DRD3: variants seen among roughly 807,000 people sequenced by gnomAD.
DRD3 encodes dopamine receptor D3, also known as D(3) dopamine receptor.
DRD3 carries 19 observed loss-of-function variants against 36.3 expected under a neutral mutation model. The observed-to-expected ratio is 0.52, with a 90% CI of 0.36 to 0.77. The LOEUF (loss-of-function observed/expected upper bound fraction) is 0.77, where lower values mean the gene tolerates loss of function less well. DRD3 is among the 30% of genes least tolerant of loss of function. The pLI is 0.00. For missense variants in DRD3, 465 were observed against 505.3 expected (o/e 0.92, Z 0.77); for synonymous variants, 195 against 203.7 (o/e 0.96, Z 0.36).
At chr3:114,161,132 C>G (rs1255802702) in intron 2 of DRD3, among the ~76,000 whole-genome samples, 1 of 152,078 alleles carries the variant, frequency 6.6e-6, no homozygotes, top group African/African-American at 2.4e-5. Flanking sequence ...GGCTGTCATT[C>G]TTGGGGACCC....
rs998409653 is a variant in DRD3 at position 114,156,761 on chromosome 3, T to G, written c.383+2994A>C. ...TCTTTCTTTTTCTTTCTTTCTTTCT[T>G]TCTTTCTTTCTTTCTTTCTTTCTTT... On this transcript the variant is annotated intron_variant, in intron 3 of 6. Coordinates refer to ENST00000383673, the MANE Select transcript of DRD3 (RefSeq NM_000796.6). Among the ~76,000 whole-genome samples, 797 of 104,842 alleles carry G rather than the reference T, an allele frequency of 7.6e-3. 9 individuals are homozygous for G. Among genetic ancestry groups the G allele is most frequent in the African/African-American group, 0.026 (760 of 28,960 alleles). 68.8% of individuals were successfully genotyped at this position (104,842 alleles called of 152,430 possible).
In DRD3 at chr3:114,139,667, G is replaced by A; in HGVS notation, c.556C>T (p.Pro186Ser). The A allele has an allele frequency of 6.2e-7, 1 of 1,614,110 alleles. No homozygotes were observed. Among genetic ancestry groups the A allele is most frequent in the Non-Finnish European group, 8.5e-7 (1 of 1,180,004 alleles). Residue 186 changes from proline to serine, a missense_variant, in exon 5 of 7, where the codon CCT becomes TCT. Coordinates refer to ENST00000383673, the MANE Select transcript of DRD3 (RefSeq NM_000796.6). ...GDPTVCSISNPDFVIYSSVVS... is the reference protein window; with the variant it reads ...GDPTVCSISNSDFVIYSSVVS... ...ACTGAAGAGTAGATGACAAAATCAG[G>A]GTTGGAGATGGAGCAGACAGTGGGG...
upstream of DRD3, among the ~76,000 whole-genome samples, chr3:114,180,057 G>C (rs1231288437): frequency 1.3e-5 from 2 of 152,148 alleles, no homozygotes; most frequent in African/African-American, 4.8e-5. Flanking sequence ...GCTGACCCAA[G>C]ATTTGGATCT....
At position 114,139,546 on chromosome 3, in the gene DRD3, C is replaced by G; in HGVS notation, c.677G>C (p.Arg226Pro). The change falls in exon 5 of 7, where the codon CGA (arginine) becomes CCA (proline). Residue 226 changes from arginine (R) to proline (P), a missense_variant. Transcript: ENST00000383673. Reference sequence around the variant, plus strand: ...GACACTGTTGCACTGACTGTTCTGTCGAGTGAGGATCCTTTTCCGTCTCCT... The same window carrying G: ...GACACTGTTGCACTGACTGTTCTGTGGAGTGAGGATCCTTTTCCGTCTCCT... The part of the protein sequence containing the change: ...KQRRRKRILT[R>P]QNSQCNSVRP... 6.2e-7 allele frequency: 1 copy of G among 1,614,054 alleles called. No individual in the cohort carries two copies. Among genetic ancestry groups the G allele is most frequent in the South Asian group, 1.1e-5 (1 of 91,060 alleles).
intron 1 of DRD3, among the ~76,000 whole-genome samples, chr3:114,190,319 G>A (rs563269381): frequency 6.7e-6 from 1 of 148,872 alleles, no homozygotes; most frequent in East Asian, 2.0e-4. Flanking sequence ...TGCCCACTGG[G>A]CCTATAAGCA....
At chr3:114,169,790 A>T (rs934029355) in intron 2 of DRD3, among the ~76,000 whole-genome samples, 4 of 152,174 alleles carry the variant, frequency 2.6e-5, no homozygotes, top group East Asian at 3.9e-4. Flanking sequence ...TAGTGTGGAA[A>T]AGTCACAATG....
Position 114,139,664 on chromosome 3 carries a change from C to T in DRD3, c.559G>A (p.Asp187Asn). 6.2e-7 allele frequency: 1 copy of T among 1,614,058 alleles called. No homozygotes were observed. Among genetic ancestry groups the T allele is most frequent in the South Asian group, 1.1e-5 (1 of 91,062 alleles). Residue 187 changes from aspartate to asparagine, a missense_variant, in exon 5 of 7, where the codon GAT (aspartate) becomes AAT (asparagine). By Grantham distance (23) the Asp-to-Asn change is conservative (BLOSUM62 1). Transcript: ENST00000383673. ...DPTVCSISNPDFVIYSSVVSF... is the reference protein window; with the variant it reads ...DPTVCSISNPNFVIYSSVVSF... The stretch of plus-strand genomic sequence containing the variant: ...ACCACTGAAGAGTAGATGACAAAAT[C>T]AGGGTTGGAGATGGAGCAGACAGTG...
intron 1 of DRD3, among the ~76,000 whole-genome samples, chr3:114,193,767 A>C (rs1560007320): frequency 6.6e-6 from 1 of 152,276 alleles, no homozygotes; most frequent in Non-Finnish European, 1.5e-5. Context: ...GGAATGGAAT[A>C]TCAAATTCCA....
chr3:114,145,651 T>A (rs1161280413), intron 4 of DRD3, among the ~76,000 whole-genome samples: 2 of 152,242 alleles, frequency 1.3e-5, no homozygotes, highest in Non-Finnish European at 2.9e-5. Flanking sequence ...TGGAGTTATA[T>A]GTAGTCTTAG....
chr3:114,164,091 G>A (rs946211161), intron 2 of DRD3, among the ~76,000 whole-genome samples: 10 of 150,630 alleles, frequency 6.6e-5, no homozygotes, highest in African/African-American at 2.4e-4. Context: ...TGTGGTGGTG[G>A]GCGCCTGTTA....
chr3:114,149,843 G>A (rs2077108515), intron 3 of DRD3, among the ~76,000 whole-genome samples: 1 of 152,190 alleles, frequency 6.6e-6, no homozygotes, highest in Non-Finnish European at 1.5e-5. Context: ...CAACTGCAAG[G>A]AACTGAATAC....
In DRD3 at chr3:114,139,630, T is replaced by C. The variant is rs778977708; in HGVS notation, c.593A>G (p.Tyr198Cys). ...FVIYSSVVSF[Y>C]LPFGVTVLVY... ...AAGGACAGTCACTCCAAAGGGCAGG[T>C]AGAAGGACACCACTGAAGAGTAGAT... The change falls in exon 5 of 7, where the codon TAC (tyrosine) becomes TGC (cysteine). Residue 198 changes from tyrosine to cysteine, a missense_variant. Tyr to Cys is a radical substitution (Grantham distance 194, BLOSUM62 -2). Transcript: ENST00000383673. 6.2e-7 allele frequency: 1 copy of C among 1,614,066 alleles called. No homozygotes were observed. Among genetic ancestry groups the C allele is most frequent in the East Asian group, 2.2e-5 (1 of 44,884 alleles).
Position 114,171,775 on chromosome 3 carries a change from A to G in DRD3, c.218T>C (p.Val73Ala). The G allele has an allele frequency of 6.2e-7, 1 of 1,613,300 alleles. No individual in the cohort carries two copies. Among genetic ancestry groups the G allele is most frequent in the Admixed American group, 1.7e-5 (1 of 59,930 alleles). ...CAAGGTGGCCACCAGCAAGTCTGCC[A>G]CAGCCAGGCTCACTACTAAGTAGTT... The part of the protein sequence containing the change: ...TTNYLVVSLA[V>A]ADLLVATLVM... Residue 73 changes from valine to alanine, a missense_variant, in exon 2 of 7, where the codon GTG becomes GCG. Val to Ala is a moderately conservative substitution (Grantham distance 64). Coordinates refer to ENST00000383673, the MANE Select transcript of DRD3 (RefSeq NM_000796.6).
upstream of DRD3, among the ~76,000 whole-genome samples, chr3:114,179,672 TTCTC>T (rs1031985713): frequency 2.0e-4 from 31 of 152,190 alleles, no homozygotes; most frequent in Middle Eastern, 3.4e-3. Context: ...CCATTTCCTG[TTCTC>T]TCTCTCTTTT....
chr3:114,160,217 G>A (rs770433162), intron 2 of DRD3, among the ~76,000 whole-genome samples: 2 of 152,036 alleles, frequency 1.3e-5, no homozygotes, highest in Non-Finnish European at 2.9e-5. Context: ...TGGCTCTTTG[G>A]TCTGTAAATC....
chr3:114,155,702 C>G (rs993948685), intron 3 of DRD3, among the ~76,000 whole-genome samples: 2 of 152,150 alleles, frequency 1.3e-5, no homozygotes, highest in Non-Finnish European at 2.9e-5. Flanking sequence ...CAACCTCACC[C>G]ACAGCCCTAA....
chr3:114,187,299 A>G (rs1378818487), intron 1 of DRD3, among the ~76,000 whole-genome samples: 1 of 152,160 alleles, frequency 6.6e-6, no homozygotes, highest in East Asian at 1.9e-4. Flanking sequence ...GTGCCTTTAT[A>G]ATGGTTTGAT....
intron 5 of DRD3, among the ~76,000 whole-genome samples, chr3:114,137,334 A>C (rs1277551091): frequency 6.6e-6 from 1 of 152,248 alleles, no homozygotes; most frequent in East Asian, 1.9e-4. Flanking sequence ...GGGGGTGTAG[A>C]AGAAGGAACA....
At chr3:114,154,688 CG>C (rs1342039673) in intron 3 of DRD3, among the ~76,000 whole-genome samples, 1 of 152,198 alleles carries the variant, frequency 6.6e-6, no homozygotes, top group Non-Finnish European at 1.5e-5. Context: ...TGCAAAGACG[CG>C]GAGGCTTGCC....
Sources: gnomAD v4.1 joint callset for allele counts (sites outside exome capture counted in the v4.1 genomes callset) on GRCh38, gnomAD v4.1.1 for gene constraint, MANE v1.5 for transcripts, NCBI Gene and HGNC (gene_info 2026-07-23, HGNC 2026-07-21) for gene names.